ANKRD26: variants seen among roughly 807,000 people sequenced by gnomAD.
The protein encoded by ANKRD26 is ankyrin repeat domain 26, also known as ankyrin repeat domain-containing protein 26.
ANKRD26 carries 141 observed loss-of-function variants against 208.7 expected under a neutral mutation model. The observed-to-expected ratio is 0.68, with a 90% CI of 0.59 to 0.78. ANKRD26 has a LOEUF of 0.78. ANKRD26 is among the 30% of genes least tolerant of loss of function. The probability of loss-of-function intolerance (pLI) is 0.00; values close to 1 mark genes in which losing one functional copy is unlikely to be tolerated. For missense variants in ANKRD26, 1,889 were observed against 1,938.7 expected (o/e 0.97, Z 0.48); for synonymous variants, 636 against 660.4 (o/e 0.96, Z 0.57).
chr10:27,049,322 C>G (rs1440133212), intron 16 of ANKRD26, among the ~76,000 whole-genome samples: 2 of 152,116 alleles, frequency 1.3e-5, no homozygotes, highest in Non-Finnish European at 2.9e-5. Flanking sequence ...CTGGCAGAAA[C>G]AGAGAAATAA....
chr10:27,047,516 G>C (rs1004353051), intron 17 of ANKRD26, among the ~76,000 whole-genome samples: 1 of 151,864 alleles, frequency 6.6e-6, no homozygotes, highest in African/African-American at 2.4e-5. Context: ...AGCTACTCGG[G>C]AAGTTGAGGC....
At chr10:26,958,059 C>T in the ANKRD26 span, among the ~76,000 whole-genome samples, 1 of 145,200 alleles carries the variant, frequency 6.9e-6, no homozygotes, top group African/African-American at 2.5e-5. Context: ...CACAGATCAT[C>T]CCATCACCCA....
chr10:27,071,084 G>C (rs1012191700), intron 9 of ANKRD26, among the ~76,000 whole-genome samples: 1 of 150,716 alleles, frequency 6.6e-6, no homozygotes, highest in Admixed American at 6.6e-5. Context: ...ATGCGTATGT[G>C]TCCATTACAT....
chr10:27,047,715 A>C (rs2054500020), intron 17 of ANKRD26, among the ~76,000 whole-genome samples: 1 of 96,678 alleles, frequency 1.0e-5, no homozygotes, highest in Non-Finnish European at 2.6e-5. Flanking sequence ...TACTACTACT[A>C]CTACTACTAA....
chr10:26,968,759 G>A, the ANKRD26 span, among the ~76,000 whole-genome samples: 1 of 152,176 alleles, frequency 6.6e-6, no homozygotes, highest in African/African-American at 2.4e-5. Context: ...GTAAGCTTTA[G>A]TTAGTAGAAT....
chr10:27,031,371 A>C (rs914462916), intron 25 of ANKRD26, among the ~76,000 whole-genome samples: 1 of 152,234 alleles, frequency 6.6e-6, no homozygotes, highest in Non-Finnish European at 1.5e-5. Flanking sequence ...GAAATGAAGT[A>C]CTGATATGTG....
downstream of ANKRD26, among the ~76,000 whole-genome samples, chr10:26,969,811 GT>G (rs34596945): frequency 0.12 from 16,560 of 136,200 alleles, 1,037 homozygotes; most frequent in East Asian, 0.34. Flanking sequence ...TTTACTTTCT[GT>G]TTTTTTTTTT....
At chr10:27,053,669 A>C (rs2054741785) in intron 15 of ANKRD26, among the ~76,000 whole-genome samples, 1 of 152,148 alleles carries the variant, frequency 6.6e-6, no homozygotes, top group East Asian at 1.9e-4. Flanking sequence ...TTAAAATTTC[A>C]ACCATTATCT....
intron 23 of ANKRD26, among the ~76,000 whole-genome samples, chr10:27,036,368 T>C (rs1050633542): frequency 2.6e-5 from 4 of 151,956 alleles, no homozygotes; most frequent in Non-Finnish European, 4.4e-5. Context: ...AGCAGCTGTA[T>C]GATTTTCCCT....
At chr10:26,987,284 G>GT (rs546900303), downstream of ANKRD26, among the ~76,000 whole-genome samples, 31 of 151,786 alleles carry the variant, frequency 2.0e-4, 1 homozygote, top group East Asian at 6.2e-3. Context: ...CTGTTGTGGG[G>GT]TGGGGGTATG....
At chr10:26,986,566 C>G (rs1254405805) in intron 3 of ANKRD26, among the ~76,000 whole-genome samples, 1 of 152,194 alleles carries the variant, frequency 6.6e-6, no homozygotes, top group Non-Finnish European at 1.5e-5. Context: ...CTACAATGAA[C>G]TCAAACAAAT....
intron 6 of ANKRD26, chr10:27,080,001 C>T: frequency 2.9e-6 from 1 of 343,278 alleles, no homozygotes; most frequent in Non-Finnish European, 5.8e-6. Flanking sequence ...ACTAAAAATA[C>T]AAAGAATTAG....
intron 5 of ANKRD26, among the ~76,000 whole-genome samples, chr10:26,977,507 G>C (rs2052244992): frequency 6.6e-6 from 1 of 152,216 alleles, no homozygotes; most frequent in South Asian, 2.1e-4. Context: ...ATGATATTTT[G>C]TTACATTTTG....
chr10:27,071,159 A>ATTTTTTTTTTT (rs71386906), intron 9 of ANKRD26, among the ~76,000 whole-genome samples: 2 of 85,838 alleles, frequency 2.3e-5, no homozygotes, highest in Non-Finnish European at 4.3e-5. Context: ...TGCTACATTC[A>ATTTTTTTTTTT]TTTTTTTTTT....
chr10:26,952,941 A>G, the ANKRD26 span, among the ~76,000 whole-genome samples: 2 of 152,212 alleles, frequency 1.3e-5, no homozygotes, highest in African/African-American at 2.4e-5. Flanking sequence ...AAGAGCCAAT[A>G]CAGATGGATC....
At chr10:27,068,654 T>A (rs1371827068) in intron 9 of ANKRD26, among the ~76,000 whole-genome samples, 1 of 152,142 alleles carries the variant, frequency 6.6e-6, no homozygotes, top group Non-Finnish European at 1.5e-5. Context: ...TATGCTAGAA[T>A]GTGAACTTTC....
At chr10:27,065,058 C>T (rs2055192205) in intron 11 of ANKRD26, among the ~76,000 whole-genome samples, 1 of 152,134 alleles carries the variant, frequency 6.6e-6, no homozygotes, top group Non-Finnish European at 1.5e-5. Context: ...GAATGCCCTC[C>T]TTCTAGCCTT....
chr10:27,023,337 G>A (rs1454483437), intron 28 of ANKRD26, among the ~76,000 whole-genome samples: 4 of 147,674 alleles, frequency 2.7e-5, no homozygotes, highest in Admixed American at 6.7e-5. Flanking sequence ...GAGATTCCAG[G>A]GAAAAAAAAA....
At chr10:27,041,213 C>CAGAGAT (rs71281565) in intron 20 of ANKRD26, among the ~76,000 whole-genome samples, 77,615 of 151,010 alleles carry the variant, frequency 0.51, 22,192 homozygotes, top group Non-Finnish European at 0.65. Flanking sequence ...GCAAAGTAGA[C>CAGAGAT]AGAGATCACA....
Sources: allele counts gnomAD v4.1 joint callset (sites outside exome capture counted in the v4.1 genomes callset), GRCh38; gene constraint gnomAD v4.1.1; transcripts MANE v1.5; gene names NCBI Gene and HGNC (gene_info 2026-07-23, HGNC 2026-07-21).